Variants in CHN1 observed in about 807,000 individuals in gnomAD.
CHN1 encodes chimerin 1.
In CHN1, 37 loss-of-function variants were observed where a neutral mutation model predicts 59.5. The ratio of observed to expected loss-of-function variants is 0.62; its 90% CI spans 0.48 to 0.82. CHN1 has a LOEUF of 0.82. CHN1 is among the 40% of genes least tolerant of loss of function. The pLI, the probability that CHN1 is intolerant of heterozygous loss-of-function variation, is 0.00. For synonymous variants in CHN1, 206 were observed against 200.4 expected, an observed-to-expected ratio of 1.03 and a Z score of -0.24; for missense variants, 469 against 571.0, an observed-to-expected ratio of 0.82 and a Z score of 1.82.
At chr2:174,947,515 C>T (rs1325570863) in intron 2 of CHN1, among the ~76,000 whole-genome samples, 1 of 144,218 alleles carries the variant, frequency 6.9e-6, no homozygotes, top group African/African-American at 2.6e-5. Context: ...GACAGTGTCT[C>T]ACTTGGTCAC....
In CHN1 at chr2:174,840,161, CTTTTTTTTTTTT is replaced by C. The variant is rs71407154; in HGVS notation, c.627+6707_627+6718del. ...GCCAGTGTTTATGCATAAAACCATTCTTTTTTTTTTTTTTTTTTTTTTTTTGAGATGGGGTCC... is the reference window on the plus strand; with the variant it reads ...GCCAGTGTTTATGCATAAAACCATTCTTTTTTTTTTTTTGAGATGGGGTCC... On this transcript the variant is annotated intron_variant, in intron 7 of 12. Transcript: ENST00000409900. Among the ~76,000 whole-genome samples, 7 of 67,388 alleles carry C rather than the reference CTTTTTTTTTTTT, an allele frequency of 1.0e-4. No homozygotes were observed. In the Admixed American group the frequency reaches 1.2e-3, roughly 11 times the overall value. The allele number at this position is 67,388 out of a possible 152,430, so 44.2% of individuals were successfully genotyped here.
At chr2:174,875,865 C>A in intron 6 of CHN1, 2 of 980,786 alleles carry the variant, frequency 2.0e-6, no homozygotes, top group Non-Finnish European at 2.4e-6. Context: ...TTGGATGACA[C>A]CTGTAAATAA....
At chr2:174,962,035 A>G (rs925381312) in intron 1 of CHN1, among the ~76,000 whole-genome samples, 1 of 152,006 alleles carries the variant, frequency 6.6e-6, no homozygotes. Flanking sequence ...GCCTGTAATC[A>G]CAGCACTTTG....
At chr2:174,932,507 G>A (rs998367332) in intron 3 of CHN1, among the ~76,000 whole-genome samples, 7 of 152,174 alleles carry the variant, frequency 4.6e-5, no homozygotes, top group Admixed American at 1.3e-4. Context: ...GGATTTTGCC[G>A]AGTATCTCAC....
chr2:174,915,349 G>C, intron 4 of CHN1, 178 bp from the exon 5 acceptor site: 1 of 592,974 alleles, frequency 1.7e-6, no homozygotes, highest in Non-Finnish European at 3.0e-6. Flanking sequence ...CTGGCCCCCA[G>C]CCAGCTTCTC....
At chr2:174,811,772 C>T (rs1324470227) in intron 9 of CHN1, among the ~76,000 whole-genome samples, 184 bp from the exon 10 acceptor site, 1 of 152,188 alleles carries the variant, frequency 6.6e-6, no homozygotes, top group Non-Finnish European at 1.5e-5. Flanking sequence ...TACCTATTGT[C>T]ACCTGAATAT....
chr2:174,977,230 C>T (rs1690976348), intron 1 of CHN1, among the ~76,000 whole-genome samples: 2 of 152,204 alleles, frequency 1.3e-5, no homozygotes, highest in Non-Finnish European at 1.5e-5. Context: ...CATGGCTTTC[C>T]TAATAAAACT....
At chr2:174,892,956 A>T (rs945361535) in intron 5 of CHN1, among the ~76,000 whole-genome samples, 5 of 152,206 alleles carry the variant, frequency 3.3e-5, no homozygotes, top group Non-Finnish European at 2.9e-5. Context: ...AACTGGGAAT[A>T]GAAGGAAATT....
intron 6 of CHN1, among the ~76,000 whole-genome samples, chr2:174,875,358 A>G (rs1687535848): frequency 1.3e-5 from 2 of 152,174 alleles, no homozygotes; most frequent in Non-Finnish European, 2.9e-5. Context: ...TAGTTGGTGA[A>G]TAAACTAAAA....
At chr2:174,962,585 T>G (rs1041529014) in intron 1 of CHN1, among the ~76,000 whole-genome samples, 6 of 147,752 alleles carry the variant, frequency 4.1e-5, no homozygotes, top group African/African-American at 1.2e-4. Flanking sequence ...GACTTAAGAA[T>G]AGCTGCTTAA....
intron 1 of CHN1, among the ~76,000 whole-genome samples, chr2:174,980,736 GT>G (rs1691119729): frequency 6.6e-6 from 1 of 152,142 alleles, no homozygotes; most frequent in Non-Finnish European, 1.5e-5. Context: ...TTTTTTAAAT[GT>G]GTAGATTGTT....
intron 6 of CHN1, chr2:174,847,830 A>T (rs1054334084): frequency 2.1e-5 from 10 of 468,738 alleles, no homozygotes; most frequent in Non-Finnish European, 4.0e-5. Context: ...GAAATGAATG[A>T]GTCATGCATT....
chr2:174,847,280 G>GTT lies in CHN1; in HGVS notation c.550-324_550-323insAA, dbSNP rs1686552778. 28 of 1,368,144 alleles carry GTT rather than the reference G, an allele frequency of 2.0e-5. No homozygotes were observed. The South Asian group carries it at 6.0e-4, about 29-fold the overall frequency. The allele number at this position is 1,368,144 out of a possible 1,614,324, so 84.8% of individuals were successfully genotyped here. On this transcript the variant is annotated intron_variant, in intron 6 of 12. Coordinates refer to ENST00000409900, the MANE Select transcript of CHN1 (RefSeq NM_001822.7). ...ACACCACGGAGAGGTGGAGGAGGAG[G>GTT]ATGAAGCACTTCTTAAACAGAGGTC...
At position 174,927,579 on chromosome 2, in the gene CHN1, T is replaced by C. The variant is rs144657925; in HGVS notation, c.115-9014A>G. 4.4e-3 allele frequency among the ~76,000 whole-genome samples: 676 copies of C among 152,366 alleles called. 6 individuals are homozygous for C. The highest frequency in any genetic ancestry group is 0.015 in the African/African-American group (637 of 41,592). On this transcript the variant is annotated intron_variant, in intron 3 of 12. Coordinates refer to ENST00000409900, the MANE Select transcript of CHN1 (RefSeq NM_001822.7). Reference sequence around the variant, plus strand: ...TCTCCCCAACAATGTTATTTCTTTTTTTTATTCCTGATTATTTCTTTTAGT... The same window carrying C: ...TCTCCCCAACAATGTTATTTCTTTTCTTTATTCCTGATTATTTCTTTTAGT...
At chr2:174,940,086 G>C (rs1022572795) in intron 3 of CHN1, among the ~76,000 whole-genome samples, 2 of 152,100 alleles carry the variant, frequency 1.3e-5, no homozygotes, top group African/African-American at 4.8e-5. Context: ...CTGGAGTGCA[G>C]TGGTGTGATC....
chr2:174,875,789 A>C, intron 6 of CHN1: 1 of 983,860 alleles, frequency 1.0e-6, no homozygotes, highest in East Asian at 1.1e-4. Flanking sequence ...TTTACTTACA[A>C]ATGTCATCCA....
chr2:174,821,954 G>A (rs1261798402), intron 8 of CHN1, among the ~76,000 whole-genome samples: 4 of 152,116 alleles, frequency 2.6e-5, no homozygotes, highest in African/African-American at 9.7e-5. Flanking sequence ...CATCTCTGGG[G>A]AGCTATTTTT....
intron 11 of CHN1, among the ~76,000 whole-genome samples, chr2:174,805,193 G>C (rs1558930233): frequency 6.6e-6 from 1 of 152,208 alleles, no homozygotes; most frequent in Non-Finnish European, 1.5e-5. Context: ...GATTTCTATT[G>C]TACACAGAAG....
chr2:174,945,911 G>C (rs1294514765), intron 2 of CHN1, among the ~76,000 whole-genome samples: 2 of 145,500 alleles, frequency 1.4e-5, no homozygotes, highest in African/African-American at 2.5e-5. Context: ...TAATTAGCCT[G>C]TGTGTGTGTG....
Sources: gnomAD v4.1 joint callset for allele counts (sites outside exome capture counted in the v4.1 genomes callset) on GRCh38, gnomAD v4.1.1 for gene constraint, MANE v1.5 for transcripts, NCBI Gene and HGNC (gene_info 2026-07-23, HGNC 2026-07-21) for gene names.